WDR24: variants seen among roughly 807,000 people sequenced by gnomAD.
WDR24 encodes GATOR2 complex protein WDR24.
A neutral mutation model predicts 66.7 loss-of-function variants in WDR24; 32 were observed. The ratio of observed to expected loss-of-function variants is 0.48; its 90% CI spans 0.36 to 0.64. WDR24 has a LOEUF of 0.64. Among genes scored for constraint, WDR24 ranks in the 30% least tolerant of loss-of-function variants. WDR24 has a pLI of 0.00. For synonymous variants in WDR24, 565 were observed against 469.1 expected (o/e 1.20, Z -2.64); for missense variants, 978 against 1,144.1 (o/e 0.85, Z 2.09).
Position 687,561 on chromosome 16 carries a change from C to T in WDR24, c.659+1G>A, listed in dbSNP as rs770307856. On this transcript the variant is annotated splice_donor_variant, in intron 2 of 8. Coordinates refer to ENST00000293883, the MANE Select transcript of WDR24 (RefSeq NM_032259.4). LOFTEE classifies it high-confidence loss of function. ...ACTGCCCCTGCACCCCCATGCCACA[C>T]CTGTCCTCGGGGTGCCAGTCGCAGC... is the stretch of plus-strand genomic sequence containing the variant. The T allele has an allele frequency of 3.1e-6, 5 of 1,612,152 alleles. No homozygotes were observed. The highest frequency in any genetic ancestry group is 2.2e-5 in the East Asian group (1 of 44,864).
rs754813257 is a variant in WDR24, at chr16:685,493, G to C, written c.1783C>G (p.Pro595Ala). 6.3e-7 allele frequency: 1 copy of C among 1,599,758 alleles called. No homozygotes were observed. Among genetic ancestry groups the C allele is most frequent in the Non-Finnish European group, 8.5e-7 (1 of 1,170,426 alleles). The change falls in exon 7 of 9, where the codon CCG becomes GCG. Residue 595 changes from proline to alanine, a missense_variant. Around this residue, in one of 2 missense-constraint regions of WDR24, gnomAD observed 676 missense variants for 617.5 expected, o/e 1.09. Coordinates refer to ENST00000293883, the MANE Select transcript of WDR24 (RefSeq NM_032259.4). ...PEHLQDKADS[P>A]HVSGSEADVA... The stretch of plus-strand genomic sequence containing the variant: ...TCCGCCTCGCTGCCGCTCACGTGCG[G>C]GGAGTCGGCCTTGTCCTGCAGGTGC...
rs201231442 is a variant in WDR24, at chr16:687,726, G to A, written c.495C>T (p.Ser165=). The change falls in exon 2 of 9, where the codon AGC becomes AGT. Residue 165 remains serine, a synonymous_variant. Transcript: ENST00000293883. ...GGATACTGAACTGCACGTCCCGCAC[G>A]CTCTCCGACTGGCCTGCAGGCAGGA... ...SVSTFSGQSE[S]VRDVQFSIRD... The A allele has an allele frequency of 2.5e-5, 41 of 1,613,006 alleles. No individual in the cohort carries two copies. The highest frequency in any genetic ancestry group is 1.8e-4 in the East Asian group (8 of 44,850).
rs771147654 is a variant in WDR24 at position 687,309 on chromosome 16, CG to C, written c.766del (p.Arg256ValfsTer2). The C allele has an allele frequency of 6.2e-7, 1 of 1,611,182 alleles. No homozygotes were observed. The highest frequency in any genetic ancestry group is 8.5e-7 in the Non-Finnish European group (1 of 1,179,802). ...HCVQTIASVA[R>X]VKWRPECRHH... ...GCGGCACTCTGGCCGCCACTTCACA[CG>C]GGCCACCGAGGCGATGGTCTGCACA... On this transcript the variant is annotated frameshift_variant, in exon 3 of 9. Coordinates refer to ENST00000293883, the MANE Select transcript of WDR24 (RefSeq NM_032259.4). LOFTEE classifies it high-confidence loss of function.
At chr16:687,780 G>A (rs1250025100) in intron 1 of WDR24, 41 bp from the exon 2 acceptor site, 4 of 1,598,438 alleles carry the variant, frequency 2.5e-6, no homozygotes, top group Non-Finnish European at 3.4e-6. Flanking sequence ...GACGGGGCTG[G>A]CCCATGAGGT....
rs1376313559 is a variant in WDR24 at position 685,219 on chromosome 16, G to C, written c.2019+38C>G. 3 of 1,597,530 alleles carry C rather than the reference G, an allele frequency of 1.9e-6. No individual in the cohort carries two copies. In the Admixed American group the frequency reaches 5.0e-5, roughly 27 times the overall value. ...CGGCAGTCAGGATCTGGGTGCCAGGGGCGGCGCTGCAGGGGGGAGGCCCCG... is the reference window on the plus strand; with the variant it reads ...CGGCAGTCAGGATCTGGGTGCCAGGCGCGGCGCTGCAGGGGGGAGGCCCCG... On this transcript the variant is annotated intron_variant, in intron 7 of 8. Coordinates refer to ENST00000293883, the MANE Select transcript of WDR24 (RefSeq NM_032259.4).
chr16:684,887 G>A lies in WDR24; in HGVS notation c.2220C>T (p.Ala740=), dbSNP rs1244574580. The change falls in exon 9 of 9, where the codon GCC becomes GCT. Residue 740 remains alanine, a synonymous_variant. Transcript: ENST00000293883. ...CGTGGTGGCAGACGGCACACATGCT[G>A]GCGCAGCGGTGGCACCTGGGGGCGG... ...GWVCDRCHRC[A]SMCAVCHHVV... 3.2e-6 allele frequency: 5 copies of A among 1,543,160 alleles called. No homozygotes were observed. The highest frequency in any genetic ancestry group is 4.4e-6 in the Non-Finnish European group (5 of 1,145,106).
In WDR24 at chr16:684,665, C is replaced by T; in HGVS notation, c.*69G>A. ...TTGAGGTCTCAAGTTCCAGCCTCCG[C>T]CCGTCTCGGGCACAAGACCAGGCGG... On this transcript the variant is annotated 3_prime_UTR_variant, in exon 9 of 9. Coordinates refer to ENST00000293883, the MANE Select transcript of WDR24 (RefSeq NM_032259.4). The T allele has an allele frequency of 2.0e-6, 3 of 1,484,458 alleles. No homozygotes were observed. Among genetic ancestry groups the T allele is most frequent in the Non-Finnish European group, 2.7e-6 (3 of 1,118,876 alleles). The allele number at this position is 1,484,458 out of a possible 1,614,324, so 92.0% of individuals were successfully genotyped here. A position where few individuals can be genotyped will look rare whatever the true frequency, so the allele number is the denominator to read the frequency against.
Position 689,723 on chromosome 16 carries a change from A to G in WDR24, c.-83T>C, listed in dbSNP as rs1340413693. 4 of 1,540,238 alleles carry G rather than the reference A, an allele frequency of 2.6e-6. No individual in the cohort carries two copies. The highest frequency in any genetic ancestry group is 3.5e-6 in the Non-Finnish European group (4 of 1,145,008). ...CAGCCTGGGTGGGTCATCAGTTCAG[A>G]CCTTCCACCCAGGTTGGGACCCCAG... is the stretch of plus-strand genomic sequence containing the variant. On this transcript the variant is annotated 5_prime_UTR_variant, in exon 1 of 9. Coordinates refer to ENST00000293883, the MANE Select transcript of WDR24 (RefSeq NM_032259.4).
chr16:687,832 T>G, intron 1 of WDR24, 93 bp from the exon 2 acceptor site: 2 of 1,493,738 alleles, frequency 1.3e-6, no homozygotes, highest in Non-Finnish European at 1.8e-6. Flanking sequence ...CACACCTGCC[T>G]GTGGCCCAGA....
In WDR24 at chr16:685,367, C is replaced by A. The variant is rs2039881198; in HGVS notation, c.1909G>T (p.Val637Leu). 6.2e-7 allele frequency: 1 copy of A among 1,612,044 alleles called. No homozygotes were observed. Among genetic ancestry groups the A allele is most frequent in the Non-Finnish European group, 8.5e-7 (1 of 1,179,876 alleles). ...GCGTAGAAGTGCAGCATGTCGCGCA[C>A]CAGCACGCCGAAGAAGTCGGGCGGC... ...RLPPDFFGVLVRDMLHFYAEQ... is the reference protein window; with the variant it reads ...RLPPDFFGVLLRDMLHFYAEQ... The change falls in exon 7 of 9, where the codon GTG becomes TTG. Residue 637 changes from valine (V) to leucine (L), a missense_variant. Physicochemically the swap from Val to Leu is conservative, Grantham distance 32. Coordinates refer to ENST00000293883, the MANE Select transcript of WDR24 (RefSeq NM_032259.4).
Position 687,395 on chromosome 16 carries a change from C to A in WDR24, c.681G>T (p.Gly227=). 1 of 1,591,296 alleles carries A rather than the reference C, an allele frequency of 6.3e-7. No homozygotes were observed. The highest frequency in any genetic ancestry group is 1.1e-5 in the South Asian group (1 of 90,264). ...CCCAGACCTTCACCATCTTGTCGCG[C>A]CCTCCAGTGGCCAACCAGCCCCTGT... ...PEDRGWLATG[G]RDKMVKVWDM... Residue 227 remains glycine (G), a synonymous_variant, in exon 3 of 9, where the codon GGG becomes GGT. Transcript: ENST00000293883.
At chr16:684,947 G>A (rs747464095) in intron 8 of WDR24, 45 bp from the exon 9 acceptor site, 2 of 1,536,470 alleles carry the variant, frequency 1.3e-6, no homozygotes, top group South Asian at 1.2e-5. Context: ...GGGCTGCTGC[G>A]CTGCCTGCAG....
At chr16:686,235 C>A in intron 3 of WDR24, 49 bp from the exon 4 acceptor site, 1 of 1,588,684 alleles carries the variant, frequency 6.3e-7, no homozygotes, top group Non-Finnish European at 8.6e-7. Flanking sequence ...ACCCAGCACC[C>A]CATGCAGGTC....
At chr16:687,770 G>A in intron 1 of WDR24, 31 bp from the exon 2 acceptor site, 3 of 1,604,288 alleles carry the variant, frequency 1.9e-6, no homozygotes, top group Non-Finnish European at 1.7e-6. Context: ...CAGGGGAAGT[G>A]ACGGGGCTGG....
chr16:689,344 C>A lies in WDR24; in HGVS notation c.297G>T (p.Val99=). The part of the protein sequence containing the change: ...LLATAATNGV[V]VTWNLGRPSR... ...ATGGCCGGCCCAGGTTCCACGTGAC[C>A]ACCACGCCATTGGTGGCTGCTGTGG... The change falls in exon 1 of 9, where the codon GTG becomes GTT. Residue 99 remains valine (V), a synonymous_variant. Coordinates refer to ENST00000293883, the MANE Select transcript of WDR24 (RefSeq NM_032259.4). 1 of 1,613,780 alleles carries A rather than the reference C, an allele frequency of 6.2e-7. No individual in the cohort carries two copies. The highest frequency in any genetic ancestry group is 1.1e-5 in the South Asian group (1 of 91,082).
Position 684,711 on chromosome 16 carries a change from G to T in WDR24, c.*23C>A, listed in dbSNP as rs753360268. 1 of 1,563,610 alleles carries T rather than the reference G, an allele frequency of 6.4e-7. No individual in the cohort carries two copies. On this transcript the variant is annotated 3_prime_UTR_variant, in exon 9 of 9. Transcript: ENST00000293883. ...GGCGGGGTTCTGCACGCGGCCGCCC[G>T]GGCAAGCCCAGCAGATGCCCCGTCA...
intron 3 of WDR24, 128 bp downstream of exon 3, chr16:686,616 A>C: frequency 5.0e-6 from 6 of 1,203,888 alleles, no homozygotes; most frequent in South Asian, 1.5e-5. Flanking sequence ...CTACCAAGGC[A>C]AGGCCTGTTG....
chr16:689,299 C>T lies in WDR24; in HGVS notation c.342G>A (p.Gln114=). 1.2e-6 allele frequency: 2 copies of T among 1,613,932 alleles called. No homozygotes were observed. The highest frequency in any genetic ancestry group is 1.7e-6 in the Non-Finnish European group (2 of 1,180,028). The change falls in exon 1 of 9, where the codon CAG becomes CAA. Residue 114 remains glutamine (Q), a synonymous_variant. Coordinates refer to ENST00000293883, the MANE Select transcript of WDR24 (RefSeq NM_032259.4). The part of the protein sequence containing the change: ...LGRPSRNKQD[Q]LFTEHKRTVN... ...CCGTGCGCTTGTGTTCTGTGAACAG[C>T]TGGTCCTGCTTGTTGCGGGATGGCC... is the stretch of plus-strand genomic sequence containing the variant.
chr16:688,701 C>A (rs1408793044), intron 1 of WDR24, among the ~76,000 whole-genome samples: 1 of 152,246 alleles, frequency 6.6e-6, no homozygotes, highest in East Asian at 1.9e-4. Flanking sequence ...CTCAGGGCAG[C>A]CATCGGGGAG....
Sources: allele counts gnomAD v4.1 joint callset (sites outside exome capture counted in the v4.1 genomes callset), GRCh38; gene constraint gnomAD v4.1.1; regional missense constraint gnomAD v4.1.1; transcripts MANE v1.5; gene names NCBI Gene and HGNC (gene_info 2026-07-23, HGNC 2026-07-21).